TSHZ1: variants seen among roughly 807,000 people sequenced by gnomAD.
The protein encoded by TSHZ1 is teashirt zinc finger homeobox 1.
A neutral mutation model predicts 67.1 loss-of-function variants in TSHZ1; 12 were observed. That is an observed-to-expected ratio of 0.18 (90% CI 0.11 to 0.29). The LOEUF is 0.29. TSHZ1 is among the 10% of genes least tolerant of loss of function. TSHZ1 has a pLI of 1.00. For missense variants in TSHZ1, 1,305 were observed against 1,413.9 expected (o/e 0.92, Z 1.23); for synonymous variants, 632 against 622.4 (o/e 1.02, Z -0.23).
chr18:75,261,012 G>A (rs913021619), intron 1 of TSHZ1, among the ~76,000 whole-genome samples: 7 of 151,878 alleles, frequency 4.6e-5, no homozygotes, highest in Non-Finnish European at 8.8e-5. Context: ...GAGCATGGTG[G>A]GGTGTATGGG....
rs143939790 is a variant in TSHZ1 at position 75,229,083 on chromosome 18, C to T, written c.40+17167C>T. On this transcript the variant is annotated intron_variant, in intron 1 of 1. Transcript: ENST00000580243. ...CTCAAAGTGAGTGAGGGGTTGGCCA[C>T]AGTCAGCCCTGGGCGGGGCAGGTGT... Among the ~76,000 whole-genome samples, 129 of 152,366 alleles carry T rather than the reference C, an allele frequency of 8.5e-4. 1 individual carries two copies. Among genetic ancestry groups the T allele is most frequent in the African/African-American group, 2.9e-3 (121 of 41,588 alleles).
chr18:75,214,499 T>G (rs2022741209), intron 1 of TSHZ1, among the ~76,000 whole-genome samples: 1 of 152,202 alleles, frequency 6.6e-6, no homozygotes, highest in African/African-American at 2.4e-5. Context: ...TCCAAAGTGT[T>G]TTTATTATAA....
chr18:75,235,626 C>T (rs1234779654), intron 1 of TSHZ1, among the ~76,000 whole-genome samples: 5 of 152,088 alleles, frequency 3.3e-5, no homozygotes, highest in Middle Eastern at 3.2e-3. Context: ...ATGGAGCTCA[C>T]GGTGTAGCAG....
rs2023784927 is a variant in TSHZ1 at position 75,287,227 on chromosome 18, G to A, written c.1820G>A (p.Gly607Asp). Residue 607 changes from glycine (G) to aspartate (D), a missense_variant, in exon 2 of 2, where the codon GGC (glycine) becomes GAC (aspartate). Physicochemically the swap from Gly to Asp is moderately conservative, Grantham distance 94. Coordinates refer to ENST00000580243, the MANE Select transcript of TSHZ1 (RefSeq NM_001308210.2). The surrounding 1 kb of genome is among the most constrained non-coding windows in gnomAD (Gnocchi z 5.0). ...GTGCAGGTGCAGCCGTCCTATGCTG[G>A]CGGCGTGAAGTCGCTGTCTTCCGCC... is the stretch of plus-strand genomic sequence containing the variant. ...QSVQVQPSYA[G>D]GVKSLSSAEH... 1 of 1,613,926 alleles carries A rather than the reference G, an allele frequency of 6.2e-7. No individual in the cohort carries two copies. Among genetic ancestry groups the A allele is most frequent in the South Asian group, 1.1e-5 (1 of 91,068 alleles).
intron 1 of TSHZ1, among the ~76,000 whole-genome samples, chr18:75,261,491 T>C (rs1020395400): frequency 5.3e-5 from 8 of 152,100 alleles, no homozygotes; most frequent in African/African-American, 1.9e-4. Flanking sequence ...CGACCAGAGG[T>C]GAGAAAGCCT....
chr18:75,286,466 G>A lies in TSHZ1; in HGVS notation c.1059G>A (p.Lys353=). 1 of 1,614,218 alleles carries A rather than the reference G, an allele frequency of 6.2e-7. No individual in the cohort carries two copies. The highest frequency in any genetic ancestry group is 8.5e-7 in the Non-Finnish European group (1 of 1,180,048). The change falls in exon 2 of 2, where the codon AAG becomes AAA. Residue 353 remains lysine (K), a synonymous_variant. Coordinates refer to ENST00000580243, the MANE Select transcript of TSHZ1 (RefSeq NM_001308210.2). The surrounding 1 kb of genome is among the most constrained non-coding windows in gnomAD (Gnocchi z 5.1). ...AITKLVPSTK[K]RALQDLAPPC... is the part of the protein sequence containing the mutation. ...CCAAACTGGTCCCCTCCACCAAAAA[G>A]CGGGCGCTTCAGGACCTGGCGCCCC...
intron 1 of TSHZ1, among the ~76,000 whole-genome samples, chr18:75,216,576 T>C (rs574346116): frequency 6.6e-6 from 1 of 152,372 alleles, no homozygotes; most frequent in South Asian, 2.1e-4. Context: ...AGACTTATCA[T>C]ACCCTTGGTT....
intron 1 of TSHZ1, among the ~76,000 whole-genome samples, chr18:75,230,039 G>A (rs1301139466): frequency 6.6e-6 from 1 of 152,120 alleles, no homozygotes; most frequent in East Asian, 1.9e-4. Flanking sequence ...ATGGTTTATA[G>A]GTCTGTGTTT....
intron 1 of TSHZ1, among the ~76,000 whole-genome samples, chr18:75,234,453 T>C (rs1362514314): frequency 6.6e-6 from 1 of 152,202 alleles, no homozygotes; most frequent in Non-Finnish European, 1.5e-5. Flanking sequence ...TTTTGCAGCA[T>C]TTTGTGCTCT....
At position 75,285,451 on chromosome 18, in the gene TSHZ1, A is replaced by G; in HGVS notation, c.44A>G (p.Tyr15Cys). Residue 15 changes from tyrosine (Y) to cysteine (C), a missense_variant, in exon 2 of 2, where the codon TAT becomes TGT. Around this residue, in one of 3 missense-constraint regions of TSHZ1, gnomAD observed 358 missense variants for 375.6 expected, o/e 0.95. Transcript: ENST00000580243. The stretch of plus-strand genomic sequence containing the variant: ...GGGTTTCATTTTTCTCTCCTAGCTT[A>G]TGTTCCTGAGGAAGAATTGAAGGCA... ...KQQAPRRSAA[Y>C]VPEEELKAAE... is the part of the protein sequence containing the mutation. 1 of 1,476,988 alleles carries G rather than the reference A, an allele frequency of 6.8e-7. No homozygotes were observed. The highest frequency in any genetic ancestry group is 9.0e-7 in the Non-Finnish European group (1 of 1,113,242). 91.5% of individuals were successfully genotyped at this position (1,476,988 alleles called of 1,614,324 possible).
intron 1 of TSHZ1, among the ~76,000 whole-genome samples, chr18:75,275,674 G>A (rs562047925): frequency 2.6e-5 from 4 of 152,302 alleles, no homozygotes; most frequent in African/African-American, 4.8e-5. Flanking sequence ...TTGTAGACCC[G>A]GAGTCATCAG....
chr18:75,212,165 C>T (rs1174046622), intron 1 of TSHZ1, among the ~76,000 whole-genome samples: 1 of 152,020 alleles, frequency 6.6e-6, no homozygotes, highest in Non-Finnish European at 1.5e-5. Flanking sequence ...GCCCGGATGG[C>T]CGGGGGAGGC....
At position 75,263,255 on chromosome 18, in the gene TSHZ1, A is replaced by G. The variant is rs1347487786; in HGVS notation, c.41-22193A>G. On this transcript the variant is annotated intron_variant, in intron 1 of 1. Transcript: ENST00000580243. ...TATTTCTAGGGTGAAACCAAATTCAACTTTTATCGCTTTGACTTATGACAC... is the reference window on the plus strand; with the variant it reads ...TATTTCTAGGGTGAAACCAAATTCAGCTTTTATCGCTTTGACTTATGACAC... 2.6e-5 allele frequency among the ~76,000 whole-genome samples: 4 copies of G among 152,168 alleles called. No homozygotes were observed. The South Asian group carries it at 8.3e-4, about 31-fold the overall frequency.
intron 1 of TSHZ1, among the ~76,000 whole-genome samples, chr18:75,274,729 A>G (rs1184195130): frequency 1.3e-5 from 2 of 152,160 alleles, no homozygotes; most frequent in East Asian, 3.8e-4. Context: ...CTCTCTGCCA[A>G]AGTAATTTTT....
At chr18:75,237,791 CATTTATTTATTTATTT>C (rs1555726446) in intron 1 of TSHZ1, among the ~76,000 whole-genome samples, 1 of 143,500 alleles carries the variant, frequency 7.0e-6, no homozygotes, top group Non-Finnish European at 1.5e-5. Context: ...TTCTTTCTTT[CATTTATTTATTTATTT>C]ATTTATTTAT....
intron 1 of TSHZ1, among the ~76,000 whole-genome samples, chr18:75,232,032 C>A (rs915581520): frequency 6.6e-6 from 1 of 152,082 alleles, no homozygotes; most frequent in African/African-American, 2.4e-5. Context: ...GATTTTCATG[C>A]CTCAGCCTCC....
intron 1 of TSHZ1, among the ~76,000 whole-genome samples, chr18:75,254,763 G>T (rs778298836): frequency 7.2e-5 from 11 of 152,158 alleles, no homozygotes; most frequent in South Asian, 2.1e-4. Flanking sequence ...GCCCTTTCTG[G>T]TTATCACTGA....
rs766541488 is a variant in TSHZ1 at position 75,286,940 on chromosome 18, C to T, written c.1533C>T (p.Gly511=). 1.4e-5 allele frequency: 22 copies of T among 1,613,904 alleles called. No individual in the cohort carries two copies. The highest frequency in any genetic ancestry group is 7.7e-5 in the South Asian group (7 of 91,086). Residue 511 remains glycine (G), a synonymous_variant, in exon 2 of 2, where the codon GGC becomes GGT. Transcript: ENST00000580243. The surrounding 1 kb of genome is among the most constrained non-coding windows in gnomAD (Gnocchi z 5.1). ...AGAAGGAGAAGCCGCCTGTGGCTGG[C>T]GACGCGGAGAAGATCAAGGAGGAGA... is the stretch of plus-strand genomic sequence containing the variant. ...EPEKEKPPVA[G]DAEKIKEESE... is the part of the protein sequence containing the mutation.
At chr18:75,250,100 G>C (rs1342650677) in intron 1 of TSHZ1, among the ~76,000 whole-genome samples, 2 of 150,674 alleles carry the variant, frequency 1.3e-5, no homozygotes, top group Admixed American at 1.3e-4. Context: ...CCCTGCAGTT[G>C]GTGGGGGACG....
Sources: allele counts gnomAD v4.1 joint callset (sites outside exome capture counted in the v4.1 genomes callset), GRCh38; gene constraint gnomAD v4.1.1; regional missense constraint gnomAD v4.1.1; non-coding constraint Gnocchi (gnomAD v3.1); transcripts MANE v1.5; gene names NCBI Gene and HGNC (gene_info 2026-07-23, HGNC 2026-07-21).